Variants in MALRD1 observed in about 807,000 individuals in gnomAD.
MALRD1 encodes the protein MAM and LDL receptor class A domain containing 1.
A neutral mutation model predicts 242.1 loss-of-function variants in MALRD1; 247 were observed. The observed-to-expected ratio is 1.02, with a 90% CI of 0.92 to 1.13. The LOEUF is 1.13. Among genes scored for constraint, MALRD1 ranks in the 50% most tolerant of loss-of-function variants. The pLI is 0.00. For synonymous variants in MALRD1, 995 were observed against 866.6 expected (o/e 1.15, Z -2.60); for missense variants, 2,989 against 2,533.1 (o/e 1.18, Z -3.86).
intron 26 of MALRD1, among the ~76,000 whole-genome samples, chr10:19,360,725 C>G (rs906381512): frequency 6.6e-6 from 1 of 152,074 alleles, no homozygotes; most frequent in Non-Finnish European, 1.5e-5. Flanking sequence ...ATTGACACAG[C>G]AGCTTCTCCC....
chr10:19,559,321 T>C (rs1202941646), intron 32 of MALRD1, among the ~76,000 whole-genome samples: 2 of 152,078 alleles, frequency 1.3e-5, no homozygotes, highest in Non-Finnish European at 2.9e-5. Flanking sequence ...GTAACTTGGC[T>C]AGAGGTTTAG....
chr10:19,138,772 A>G (rs1833443718), intron 10 of MALRD1, among the ~76,000 whole-genome samples: 1 of 152,142 alleles, frequency 6.6e-6, no homozygotes, highest in Non-Finnish European at 1.5e-5. Flanking sequence ...TCCCCGTAGT[A>G]AATCATACTT....
intron 21 of MALRD1, chr10:19,290,286 C>G (rs951297224): frequency 6.6e-6 from 1 of 152,120 alleles, no homozygotes; most frequent in Non-Finnish European, 1.5e-5. Context: ...TTCCATACAG[C>G]TAGTTTATTA....
At chr10:19,465,430 A>G (rs1836171977) in intron 29 of MALRD1, among the ~76,000 whole-genome samples, 1 of 152,212 alleles carries the variant, frequency 6.6e-6, no homozygotes. Context: ...TCAGTTAAGA[A>G]TTTGTATCAA....
chr10:19,689,474 A>G (rs1241144973), intron 36 of MALRD1, among the ~76,000 whole-genome samples: 2 of 152,146 alleles, frequency 1.3e-5, no homozygotes, highest in Non-Finnish European at 2.9e-5. Context: ...ATTTTTCTTC[A>G]CTATAGAAAA....
At chr10:19,248,252 A>G (rs1042290062) in intron 18 of MALRD1, among the ~76,000 whole-genome samples, 1 of 152,078 alleles carries the variant, frequency 6.6e-6, no homozygotes, top group South Asian at 2.1e-4. Context: ...TTTCAAAAGC[A>G]GGTATTATTT....
chr10:19,242,929 A>C (rs1274556660), intron 18 of MALRD1, among the ~76,000 whole-genome samples: 2 of 151,910 alleles, frequency 1.3e-5, no homozygotes, highest in Non-Finnish European at 2.9e-5. Context: ...ATTCAAGTTT[A>C]TTATTGATAA....
At chr10:19,191,952 C>T (rs1344580980) in intron 14 of MALRD1, among the ~76,000 whole-genome samples, 2 of 151,856 alleles carry the variant, frequency 1.3e-5, no homozygotes, top group African/African-American at 2.4e-5. Context: ...GAGCTGAAAT[C>T]GCTCGTGCCA....
At chr10:19,446,051 T>C (rs545542097) in intron 28 of MALRD1, among the ~76,000 whole-genome samples, 79 of 152,168 alleles carry the variant, frequency 5.2e-4, no homozygotes, top group African/African-American at 1.8e-3. Flanking sequence ...GTGCTAGCCA[T>C]GAGTGAGGCT....
intron 34 of MALRD1, among the ~76,000 whole-genome samples, chr10:19,607,259 A>G (rs74122020): frequency 0.032 from 4,873 of 152,268 alleles, 137 homozygotes; most frequent in African/African-American, 0.08. Flanking sequence ...CCCACTGGAT[A>G]GCTAAAACAA....
intron 24 of MALRD1, among the ~76,000 whole-genome samples, chr10:19,344,588 C>G (rs922516672): frequency 1.8e-4 from 27 of 151,828 alleles, no homozygotes; most frequent in Non-Finnish European, 1.5e-4. Flanking sequence ...ATTAATTCCT[C>G]CTAATTCATT....
intron 21 of MALRD1, among the ~76,000 whole-genome samples, chr10:19,308,317 G>C (rs111857832): frequency 0.012 from 1,824 of 151,368 alleles, 40 homozygotes; most frequent in African/African-American, 0.042. Context: ...CATTTATCAC[G>C]GCTTTGCATT....
At chr10:19,094,161 C>G (rs1032220501) in intron 4 of MALRD1, among the ~76,000 whole-genome samples, 1 of 107,868 alleles carries the variant, frequency 9.3e-6, no homozygotes, top group East Asian at 2.8e-4. Flanking sequence ...CTAAGCAAGC[C>G]TGGGCAATGG....
intron 24 of MALRD1, among the ~76,000 whole-genome samples, chr10:19,334,144 T>C (rs2130931305): frequency 6.9e-6 from 1 of 144,180 alleles, no homozygotes; most frequent in East Asian, 2.0e-4. Context: ...TTTTTTTTTC[T>C]GTGCAGAGCT....
At chr10:19,586,055 G>A (rs988836649) in intron 33 of MALRD1, among the ~76,000 whole-genome samples, 9 of 152,012 alleles carry the variant, frequency 5.9e-5, no homozygotes, top group Admixed American at 2.0e-4. Flanking sequence ...CGTAGTTTTC[G>A]AGCCTTGGTT....
At chr10:19,603,789 G>A (rs975401464) in intron 34 of MALRD1, among the ~76,000 whole-genome samples, 19 of 152,070 alleles carry the variant, frequency 1.2e-4, no homozygotes, top group African/African-American at 4.1e-4. Context: ...TGTCTGTTAT[G>A]GTGATCTGTG....
At chr10:19,585,402 C>T (rs1340878197) in intron 33 of MALRD1, among the ~76,000 whole-genome samples, 3 of 151,788 alleles carry the variant, frequency 2.0e-5, no homozygotes, top group East Asian at 3.9e-4. Flanking sequence ...CCTTCAGGAG[C>T]TCTTTTAGGG....
Position 19,172,666 on chromosome 10 carries a change from T to G in MALRD1, c.1831-2542T>G, listed in dbSNP as rs1272900315. Among the ~76,000 whole-genome samples, 6 of 151,176 alleles carry G rather than the reference T, an allele frequency of 4.0e-5. No homozygotes were observed. The South Asian group carries it at 1.1e-3, about 27-fold the overall frequency. ...CATAGAGAAGTGCCTCAAACTGTCG[T>G]TTTTTTTCCTCCAGTTTTCTCTGAG... On this transcript the variant is annotated intron_variant, in intron 13 of 39. Coordinates refer to ENST00000454679, the MANE Select transcript of MALRD1 (RefSeq NM_001142308.3).
chr10:19,362,469 C>T (rs2130710356), intron 26 of MALRD1, among the ~76,000 whole-genome samples: 1 of 152,122 alleles, frequency 6.6e-6, no homozygotes. Flanking sequence ...GTTATTTGAG[C>T]AGACTTGAAG....
Sources: gnomAD v4.1 joint callset for allele counts (sites outside exome capture counted in the v4.1 genomes callset) on GRCh38, gnomAD v4.1.1 for gene constraint, MANE v1.5 for transcripts, NCBI Gene and HGNC (gene_info 2026-07-23, HGNC 2026-07-21) for gene names.